The following MATN4 variants were observed in gnomAD, a reference collection of about 807,000 sequenced individuals.
MATN4 encodes matrilin 4.
MATN4 carries 40 observed loss-of-function variants against 54.6 expected under a neutral mutation model. The ratio of observed to expected loss-of-function variants is 0.73; its 90% CI spans 0.57 to 0.95. The LOEUF (loss-of-function observed/expected upper bound fraction) is 0.95, where lower values mean the gene tolerates loss of function less well. Among genes scored for constraint, MATN4 ranks in the 40% least tolerant of loss-of-function variants. The pLI, the probability that MATN4 is intolerant of heterozygous loss-of-function variation, is 0.00. For missense variants in MATN4, 810 were observed against 819.1 expected, an observed-to-expected ratio of 0.99 and a Z score of 0.13; for synonymous variants, 351 against 345.3, an observed-to-expected ratio of 1.02 and a Z score of -0.18.
intron 6 of MATN4, among the ~76,000 whole-genome samples, chr20:45,299,649 G>A (rs999031215): frequency 2.0e-5 from 3 of 151,886 alleles, no homozygotes; most frequent in Non-Finnish European, 2.9e-5. Flanking sequence ...AGGCTGAGGC[G>A]GGCAGATCAC....
At chr20:45,294,166 G>C in intron 8 of MATN4, 151 bp from the exon 9 acceptor site, 2 of 635,162 alleles carry the variant, frequency 3.1e-6, no homozygotes, top group Non-Finnish European at 5.4e-6. Context: ...GTGAGATACT[G>C]AAAAACTCAC....
At chr20:45,301,863 G>GAA (rs11479809) in intron 3 of MATN4, among the ~76,000 whole-genome samples, 1 of 129,120 alleles carries the variant, frequency 7.7e-6, no homozygotes, top group Non-Finnish European at 1.7e-5. Flanking sequence ...AGAGAGGAAA[G>GAA]AAAAAAAAAA....
intron 8 of MATN4, among the ~76,000 whole-genome samples, chr20:45,294,579 T>C (rs1985693995): frequency 6.6e-6 from 1 of 152,284 alleles, no homozygotes; most frequent in South Asian, 2.1e-4. Context: ...CTGGTGCTAC[T>C]AAAGGACTAA....
chr20:45,308,320 C>A, upstream of MATN4: 1 of 1,043,704 alleles, frequency 9.6e-7, no homozygotes, highest in Non-Finnish European at 1.5e-6. Context: ...GAGGCAACGG[C>A]CGCATTTAAC....
Position 45,294,758 on chromosome 20 carries a change from G to A in MATN4, c.1580-743C>T, listed in dbSNP as rs138714617. Among the ~76,000 whole-genome samples the A allele has an allele frequency of 9.2e-5, 14 of 152,262 alleles. No individual in the cohort carries two copies. The East Asian group carries it at 2.7e-3, about 29-fold the overall frequency. On this transcript the variant is annotated intron_variant, in intron 8 of 9. Coordinates refer to ENST00000372756, the MANE Select transcript of MATN4 (RefSeq NM_001393530.1). ...ATTACATGGACCAGTACCAGCCCAT[G>A]GCCTGTTAGGAACTGGGCCACACAG... is the stretch of plus-strand genomic sequence containing the variant.
rs138874515 is a variant in MATN4, at chr20:45,299,120, T to G, written c.1013-537A>C. Among the ~76,000 whole-genome samples the G allele has an allele frequency of 1.4e-3, 217 of 152,264 alleles. 1 individual carries two copies. The highest frequency in any genetic ancestry group is 4.9e-3 in the African/African-American group (203 of 41,548). ...AGCTAGTACTGACTGAGCCAAGACA[T>G]GAAGCCAGGTCCATCTGACTCCAAA... On this transcript the variant is annotated intron_variant, in intron 6 of 9. Coordinates refer to ENST00000372756, the MANE Select transcript of MATN4 (RefSeq NM_001393530.1).
intron 2 of MATN4, among the ~76,000 whole-genome samples, 199 bp from the exon 3 acceptor site, chr20:45,304,996 A>C (rs186722262): frequency 6.6e-6 from 1 of 152,238 alleles, no homozygotes; most frequent in African/African-American, 2.4e-5. Flanking sequence ...CATCTTACAG[A>C]TCTGAGGGCT....
Position 45,301,169 on chromosome 20 carries a change from G to A in MATN4, c.822C>T (p.Thr274=), listed in dbSNP as rs745341703. Residue 274 remains threonine, a synonymous_variant, in exon 5 of 10, where the codon ACC becomes ACT. Transcript: ENST00000372756. ...NHSCQHECVS[T]PGGPRCHCRE... ...TGCAGTGGCACCGTGGCCCACCAGG[G>A]GTGCTAACACACTCATGCTGACAGC... is the stretch of plus-strand genomic sequence containing the variant. 4.3e-6 allele frequency: 7 copies of A among 1,614,206 alleles called. No homozygotes were observed. The South Asian group carries it at 5.5e-5, about 13-fold the overall frequency.
intron 3 of MATN4, among the ~76,000 whole-genome samples, chr20:45,303,856 G>T (rs1986396015): frequency 6.6e-6 from 1 of 152,244 alleles, no homozygotes; most frequent in African/African-American, 2.4e-5. Context: ...TGCAGCATTT[G>T]TGGGAGGAGC....
intron 1 of MATN4, chr20:45,306,886 G>A (rs1431769513): frequency 3.2e-6 from 4 of 1,256,298 alleles, no homozygotes; most frequent in African/African-American, 3.1e-5. Flanking sequence ...TCGTCCAGAG[G>A]GCGGCGGGTG....
Position 45,298,644 on chromosome 20 carries a change from T to A in MATN4, c.1013-61A>T. The A allele has an allele frequency of 7.4e-7, 1 of 1,351,424 alleles. No homozygotes were observed. The highest frequency in any genetic ancestry group is 1.0e-6 in the Non-Finnish European group (1 of 989,300). The allele number at this position is 1,351,424 out of a possible 1,614,324, so 83.7% of individuals were successfully genotyped here. On this transcript the variant is annotated intron_variant, in intron 6 of 9. Transcript: ENST00000372756. The surrounding 1 kb of genome is among the most constrained non-coding windows in gnomAD (Gnocchi z 4.6). ...ATTCTGGACTGGCAGCAGCTGTCTA[T>A]CCATCTAGTCGTTCATTCGCAAACA...
rs1011857355 is a variant in MATN4, at chr20:45,298,015, C to A, written c.1482G>T (p.Glu494Asp). Residue 494 changes from glutamate to aspartate, a missense_variant, in exon 8 of 10, where the codon GAG becomes GAT. By Grantham distance (45) the Glu-to-Asp change is conservative. Transcript: ENST00000372756. The surrounding 1 kb of genome is among the most constrained non-coding windows in gnomAD (Gnocchi z 4.6). ...GCAGTTCCGCTGGCTCCGAGGCGAT[C>A]TCGCGCAGCTCCGCCTCCACCGCCT... ...VGKAVEAELR[E>D]IASEPAELHV... is the part of the protein sequence containing the mutation. The A allele has an allele frequency of 8.1e-6, 13 of 1,614,030 alleles. No individual in the cohort carries two copies. Among genetic ancestry groups the A allele is most frequent in the African/African-American group, 1.3e-5 (1 of 75,048 alleles).
At chr20:45,297,285 C>T (rs1330846754) in intron 8 of MATN4, among the ~76,000 whole-genome samples, 1 of 151,874 alleles carries the variant, frequency 6.6e-6, no homozygotes, top group Non-Finnish European at 1.5e-5. Context: ...TAAAAGTTAC[C>T]CTGGAGACAT....
intron 1 of MATN4, chr20:45,307,059 C>G: frequency 1.6e-6 from 1 of 612,900 alleles, no homozygotes. Context: ...GGAGGCAGCC[C>G]GCCGAACTGC....
intron 1 of MATN4, among the ~76,000 whole-genome samples, chr20:45,306,357 A>C (rs1426804205): frequency 6.6e-6 from 1 of 152,164 alleles, no homozygotes; most frequent in Non-Finnish European, 1.5e-5. Context: ...GCGGCAGGAT[A>C]CAATCCCACG....
chr20:45,297,489 T>C (rs1325742674), intron 8 of MATN4, among the ~76,000 whole-genome samples: 2 of 152,194 alleles, frequency 1.3e-5, no homozygotes, highest in Non-Finnish European at 2.9e-5. Context: ...CCTGCCACTT[T>C]GCCAAGTTCA....
At chr20:45,293,876 C>T (rs2741516) in intron 9 of MATN4, 32 bp downstream of exon 9, 3 of 1,607,316 alleles carry the variant, frequency 1.9e-6, no homozygotes, top group East Asian at 2.2e-5. Context: ...TTCACTTTCC[C>T]TCCAGCCCGC....
chr20:45,306,101 G>A (rs865776062), intron 1 of MATN4, among the ~76,000 whole-genome samples: 1 of 151,728 alleles, frequency 6.6e-6, no homozygotes, highest in Non-Finnish European at 1.5e-5. Context: ...CACCGCGCTC[G>A]GCCCACAAGA....
rs759177723 is a variant in MATN4 at position 45,308,235 on chromosome 20, C to A, written c.-95G>T. The A allele has an allele frequency of 5.1e-5, 83 of 1,613,180 alleles. No individual in the cohort carries two copies. Among genetic ancestry groups the A allele is most frequent in the Non-Finnish European group, 7.0e-5 (83 of 1,179,232 alleles). On this transcript the variant is annotated 5_prime_UTR_variant, in exon 1 of 10. Coordinates refer to ENST00000372756, the MANE Select transcript of MATN4 (RefSeq NM_001393530.1). Reference sequence around the variant, plus strand: ...GAGCGAAGCCGACAGGCGGAGCCTCCCGGGCACTTGGACCAGGTAACGGCG... The same window carrying A: ...GAGCGAAGCCGACAGGCGGAGCCTCACGGGCACTTGGACCAGGTAACGGCG...
Sources: allele counts gnomAD v4.1 joint callset (sites outside exome capture counted in the v4.1 genomes callset), GRCh38; gene constraint gnomAD v4.1.1; non-coding constraint Gnocchi (gnomAD v3.1); transcripts MANE v1.5; gene names NCBI Gene and HGNC (gene_info 2026-07-23, HGNC 2026-07-21).